The following CPAMD8 variants were observed in gnomAD, a reference collection of about 807,000 sequenced individuals.
CPAMD8 encodes C3 and PZP like alpha-2-macroglobulin domain containing 8.
Under a neutral mutation model 224.7 loss-of-function variants are expected in CPAMD8, and 146 were observed. That is an observed-to-expected ratio of 0.65 (90% confidence interval 0.57 to 0.75). CPAMD8 has a LOEUF of 0.75. Ranked by LOEUF, CPAMD8 falls within the 30% of genes least tolerant of loss-of-function variation. The probability of loss-of-function intolerance (pLI) is 0.00; values close to 1 mark genes in which losing one functional copy is unlikely to be tolerated. For synonymous variants in CPAMD8, 966 were observed against 1,044.6 expected, an observed-to-expected ratio of 0.92 and a Z score of 1.45; for missense variants, 2,301 against 2,537.5, an observed-to-expected ratio of 0.91 and a Z score of 2.00.
chr19:16,915,314 T>C (rs1427632149), intron 27 of CPAMD8, among the ~76,000 whole-genome samples: 2 of 151,928 alleles, frequency 1.3e-5, no homozygotes, highest in Non-Finnish European at 2.9e-5. Flanking sequence ...AATGGGCATG[T>C]GATGCAATGC....
At chr19:16,906,042 C>T (rs780106963) in intron 30 of CPAMD8, among the ~76,000 whole-genome samples, 8 of 152,096 alleles carry the variant, frequency 5.3e-5, no homozygotes, top group Non-Finnish European at 2.9e-5. Flanking sequence ...TGGCCGGAGG[C>T]GGGGGATGCG....
chr19:17,012,346 CTTT>C (rs2056681399), intron 3 of CPAMD8, among the ~76,000 whole-genome samples: 1 of 92,648 alleles, frequency 1.1e-5, no homozygotes, highest in African/African-American at 3.1e-5. Flanking sequence ...TTCTTTCTTT[CTTT>C]CTTTTTTTTT....
chr19:17,005,313 A>C (rs1291319430), intron 7 of CPAMD8, among the ~76,000 whole-genome samples: 1 of 151,992 alleles, frequency 6.6e-6, no homozygotes, highest in East Asian at 1.9e-4. Context: ...GTCCTCCACA[A>C]AAGTCCTGAC....
chr19:16,896,960 G>A (rs1171356542), intron 39 of CPAMD8: 10 of 287,142 alleles, frequency 3.5e-5, no homozygotes, highest in East Asian at 5.8e-5. Flanking sequence ...CCCCTGCCGC[G>A]CCTCCTCCGC....
At chr19:16,944,870 C>G (rs117391105) in intron 22 of CPAMD8, among the ~76,000 whole-genome samples, 1 of 145,338 alleles carries the variant, frequency 6.9e-6, no homozygotes, top group African/African-American at 2.7e-5. Context: ...ATGTGAGTCC[C>G]TTCGGGCTGC....
intron 18 of CPAMD8, among the ~76,000 whole-genome samples, chr19:16,966,980 C>T (rs557618149): frequency 3.9e-5 from 6 of 152,148 alleles, no homozygotes; most frequent in South Asian, 2.1e-4. Flanking sequence ...CCAGCAATCC[C>T]GTTACTGGAT....
intron 3 of CPAMD8, 140 bp from the exon 4 acceptor site, chr19:17,011,897 T>C (rs1347012237): frequency 3.1e-6 from 3 of 953,434 alleles, no homozygotes; most frequent in Non-Finnish European, 4.6e-6. Flanking sequence ...TGGCAGTTTC[T>C]GGAGATGTTT....
intron 34 of CPAMD8, among the ~76,000 whole-genome samples, 162 bp downstream of exon 34, chr19:16,903,399 C>A (rs1215653183): frequency 6.6e-6 from 1 of 152,022 alleles, no homozygotes; most frequent in Non-Finnish European, 1.5e-5. Flanking sequence ...CCCATGGCCA[C>A]CTGCCTTGGG....
intron 3 of CPAMD8, among the ~76,000 whole-genome samples, chr19:17,012,706 C>T (rs936645715): frequency 6.6e-6 from 1 of 152,176 alleles, no homozygotes; most frequent in African/African-American, 2.4e-5. Context: ...TCTTCTGACT[C>T]AACAGAGTTG....
intron 18 of CPAMD8, among the ~76,000 whole-genome samples, chr19:16,968,273 G>A (rs1222696322): frequency 6.6e-6 from 1 of 152,168 alleles, no homozygotes; most frequent in African/African-American, 2.4e-5. Flanking sequence ...CCGATTAGGA[G>A]TTGGGAAACT....
chr19:16,937,382 T>C (rs537754763), intron 23 of CPAMD8, among the ~76,000 whole-genome samples: 3 of 152,282 alleles, frequency 2.0e-5, no homozygotes, highest in African/African-American at 7.2e-5. Context: ...TGTCCTGTGT[T>C]TTTTTCTAAA....
intron 22 of CPAMD8, among the ~76,000 whole-genome samples, chr19:16,942,053 C>T (rs887171413): frequency 1.3e-4 from 20 of 152,116 alleles, no homozygotes; most frequent in African/African-American, 2.2e-4. Flanking sequence ...ATGTAAGACA[C>T]GCCTGCTTCT....
chr19:16,962,335 A>C (rs769931794), intron 18 of CPAMD8, among the ~76,000 whole-genome samples: 1 of 152,214 alleles, frequency 6.6e-6, no homozygotes, highest in Non-Finnish European at 1.5e-5. Context: ...AACAGCATAG[A>C]GAAGAACTTA....
At chr19:16,970,560 A>C (rs1484407660) in intron 18 of CPAMD8, among the ~76,000 whole-genome samples, 1 of 151,946 alleles carries the variant, frequency 6.6e-6, no homozygotes, top group Non-Finnish European at 1.5e-5. Flanking sequence ...GGGTGTGGTC[A>C]CACAGCCTGG....
chr19:16,938,869 C>A (rs2053784805), intron 22 of CPAMD8, among the ~76,000 whole-genome samples: 1 of 152,322 alleles, frequency 6.6e-6, no homozygotes, highest in East Asian at 1.9e-4. Context: ...CTGCCAAGGA[C>A]GAGTCTCCGT....
At chr19:16,942,614 C>T (rs908449844) in intron 22 of CPAMD8, among the ~76,000 whole-genome samples, 1 of 152,222 alleles carries the variant, frequency 6.6e-6, no homozygotes, top group Non-Finnish European at 1.5e-5. Context: ...CCAGGGGCCC[C>T]TCATGGTTTC....
chr19:16,978,070 A>T (rs937813642), intron 14 of CPAMD8, among the ~76,000 whole-genome samples: 8 of 152,130 alleles, frequency 5.3e-5, no homozygotes, highest in Admixed American at 3.3e-4. Flanking sequence ...GGCACTCCCA[A>T]ATACTCTACG....
intron 18 of CPAMD8, among the ~76,000 whole-genome samples, chr19:16,969,311 T>G (rs1292005472): frequency 2.0e-5 from 3 of 152,138 alleles, no homozygotes; most frequent in Admixed American, 2.0e-4. Context: ...TTGGGCAATG[T>G]CTGGAGATAT....
chr19:16,975,873 C>T, intron 16 of CPAMD8, 129 bp downstream of exon 16: 1 of 999,496 alleles, frequency 1.0e-6, no homozygotes, highest in Non-Finnish European at 1.4e-6. Flanking sequence ...AAAAATGAAC[C>T]CGACGGAGAA....
Sources: allele counts gnomAD v4.1 joint callset (sites outside exome capture counted in the v4.1 genomes callset), GRCh38; gene constraint gnomAD v4.1.1; transcripts MANE v1.5; gene names NCBI Gene and HGNC (gene_info 2026-07-23, HGNC 2026-07-21).